The following ATP9A variants were observed in gnomAD, a reference collection of about 807,000 sequenced individuals.
The protein encoded by ATP9A is ATPase phospholipid transporting 9A.
In ATP9A, 52 loss-of-function variants were observed where a neutral mutation model predicts 144.1. That is an observed-to-expected ratio of 0.36 (90% CI 0.29 to 0.45). The LOEUF (loss-of-function observed/expected upper bound fraction) is 0.45, where lower values mean the gene tolerates loss of function less well. Ranked by LOEUF, ATP9A falls within the 20% of genes least tolerant of loss-of-function variation. The probability of loss-of-function intolerance (pLI) is 1.00; values close to 1 mark genes in which losing one functional copy is unlikely to be tolerated. For synonymous variants in ATP9A, 582 were observed against 557.4 expected (o/e 1.04, Z -0.62); for missense variants, 947 against 1,392.7 (o/e 0.68, Z 5.09).
At chr20:51,642,303 T>A (rs1030994784) in intron 14 of ATP9A, among the ~76,000 whole-genome samples, 4 of 151,990 alleles carry the variant, frequency 2.6e-5, no homozygotes, top group South Asian at 4.1e-4. Context: ...TACAGGCACC[T>A]GCCATCACAT....
chr20:51,630,597 G>C (rs918725234), intron 15 of ATP9A, among the ~76,000 whole-genome samples: 1 of 152,078 alleles, frequency 6.6e-6, no homozygotes, highest in Admixed American at 6.6e-5. Flanking sequence ...AGCTACTCAG[G>C]AGGCAAGGCT....
At chr20:51,751,678 C>T (rs1332093346) in intron 1 of ATP9A, among the ~76,000 whole-genome samples, 2 of 152,106 alleles carry the variant, frequency 1.3e-5, no homozygotes, top group African/African-American at 4.8e-5. Context: ...AGCTCCGCCT[C>T]CCGGGTTCAC....
At position 51,604,900 on chromosome 20, in the gene ATP9A, G is replaced by A; in HGVS notation, c.2924C>T (p.Thr975Ile). Residue 975 changes from threonine (T) to isoleucine (I), a missense_variant, in exon 27 of 28, where the codon ACC (threonine) becomes ATC (isoleucine). This residue lies in a region of ATP9A where 177 missense variants were observed against 344.9 expected (regional missense o/e 0.51). Transcript: ENST00000338821. The stretch of plus-strand genomic sequence containing the variant: ...CGCCACTGTCATGAGCCAGTGCCAG[G>A]TCTGGATGGTCAGCGCCACCATGAG... ...ELLMVALTIQ[T>I]WHWLMTVAEL... 6.2e-7 allele frequency: 1 copy of A among 1,611,142 alleles called. No homozygotes were observed. The highest frequency in any genetic ancestry group is 8.5e-7 in the Non-Finnish European group (1 of 1,178,534).
chr20:51,768,192 A>G, intron 1 of ATP9A, 110 bp downstream of exon 1: 3 of 587,590 alleles, frequency 5.1e-6, no homozygotes, highest in Non-Finnish European at 6.9e-6. Flanking sequence ...CCCCAGGCTC[A>G]TGGCGCCGGG....
At chr20:51,717,594 C>T (rs145070650) in intron 3 of ATP9A, among the ~76,000 whole-genome samples, 244 of 152,088 alleles carry the variant, frequency 1.6e-3, no homozygotes, top group South Asian at 3.1e-3. Flanking sequence ...AAAGGGAAAA[C>T]AGGCCAGTCA....
chr20:51,767,149 T>C lies in ATP9A; in HGVS notation c.68+1153A>G, dbSNP rs553695482. Among the ~76,000 whole-genome samples, 5 of 150,660 alleles carry C rather than the reference T, an allele frequency of 3.3e-5. No homozygotes were observed. In the South Asian group the frequency reaches 8.4e-4, roughly 25 times the overall value. On this transcript the variant is annotated intron_variant, in intron 1 of 27. Coordinates refer to ENST00000338821, the MANE Select transcript of ATP9A (RefSeq NM_006045.3). ...GGTTCACTCCACCCGCCGCGTCTCCTGTTCCGAGCAACTGACGCTGCAATA... is the reference window on the plus strand; with the variant it reads ...GGTTCACTCCACCCGCCGCGTCTCCCGTTCCGAGCAACTGACGCTGCAATA...
intron 24 of ATP9A, 35 bp downstream of exon 24, chr20:51,610,066 T>G: frequency 6.5e-7 from 1 of 1,540,664 alleles, no homozygotes; most frequent in Non-Finnish European, 9.0e-7. Flanking sequence ...AAGAAGGTTT[T>G]GTAAACAATT....
chr20:51,703,567 T>C (rs972375898), intron 4 of ATP9A, among the ~76,000 whole-genome samples: 1 of 152,220 alleles, frequency 6.6e-6, no homozygotes, highest in Non-Finnish European at 1.5e-5. Context: ...TGTTTATTTC[T>C]GTAGCGATGG....
intron 11 of ATP9A, among the ~76,000 whole-genome samples, chr20:51,673,601 T>C (rs1406246733): frequency 3.3e-5 from 5 of 152,216 alleles, no homozygotes; most frequent in Middle Eastern, 3.4e-3. Flanking sequence ...GAGCTCTAAA[T>C]GGCATCCCTA....
At chr20:51,653,116 A>C (rs1045424065) in intron 14 of ATP9A, among the ~76,000 whole-genome samples, 1 of 130,124 alleles carries the variant, frequency 7.7e-6, no homozygotes, top group Non-Finnish European at 1.7e-5. Context: ...TCTCAAAAAA[A>C]AAAACAACCA....
At chr20:51,658,694 A>G (rs990169605) in intron 13 of ATP9A, among the ~76,000 whole-genome samples, 1 of 151,016 alleles carries the variant, frequency 6.6e-6, no homozygotes, top group African/African-American at 2.4e-5. Context: ...TAATTCTTGT[A>G]TTTTTAGTAG....
chr20:51,651,368 A>C (rs1463508917), intron 14 of ATP9A, among the ~76,000 whole-genome samples: 2 of 142,528 alleles, frequency 1.4e-5, no homozygotes, highest in African/African-American at 5.1e-5. Flanking sequence ...TACATTATAT[A>C]TATTTCTTTA....
intron 4 of ATP9A, among the ~76,000 whole-genome samples, chr20:51,708,488 C>A (rs779227536): frequency 4.0e-5 from 6 of 151,170 alleles, no homozygotes; most frequent in East Asian, 1.9e-4. Context: ...TAATCCCAGA[C>A]CTTTGGGAGG....
In ATP9A at chr20:51,622,220, G is replaced by T. The variant is rs776172103; in HGVS notation, c.2017-48C>A. ...GTCCTGTTTATTAGTTTTTGAGGCC[G>T]GCCTGTCATCTGCAACAGCTGAGTT... is the stretch of plus-strand genomic sequence containing the variant. On this transcript the variant is annotated intron_variant, in intron 18 of 27. Transcript: ENST00000338821. The T allele has an allele frequency of 4.0e-6, 6 of 1,513,852 alleles. No homozygotes were observed. In the African/African-American group the frequency reaches 8.2e-5, roughly 21 times the overall value. 93.8% of individuals were successfully genotyped at this position (1,513,852 alleles called of 1,614,324 possible).
In ATP9A at chr20:51,729,993, C is replaced by A. The variant is rs755913254; in HGVS notation, c.69-15G>T. 1.3e-6 allele frequency: 2 copies of A among 1,518,958 alleles called. No homozygotes were observed. Among genetic ancestry groups the A allele is most frequent in the African/African-American group, 1.4e-5 (1 of 70,998 alleles). 94.1% of individuals were successfully genotyped at this position (1,518,958 alleles called of 1,614,324 possible). On this transcript the variant is annotated splice_polypyrimidine_tract_variant and intron_variant, in intron 1 of 27. Transcript: ENST00000338821. Reference sequence around the variant, plus strand: ...ACTCGCAGCACCTGTGGGAAAGAAACCCACGCATCAAGGCCACGCCCACGC... The same window carrying A: ...ACTCGCAGCACCTGTGGGAAAGAAAACCACGCATCAAGGCCACGCCCACGC...
intron 3 of ATP9A, among the ~76,000 whole-genome samples, chr20:51,717,120 T>C (rs2077665399): frequency 1.4e-5 from 2 of 141,878 alleles, no homozygotes; most frequent in Non-Finnish European, 3.0e-5. Flanking sequence ...TACAGTGAGC[T>C]GAGATCTCAC....
chr20:51,722,735 A>AG (rs544511013), intron 3 of ATP9A, among the ~76,000 whole-genome samples: 58 of 152,320 alleles, frequency 3.8e-4, no homozygotes, highest in African/African-American at 1.3e-3. Flanking sequence ...ACACTTCTAC[A>AG]CTGCTGGTGG....
intron 1 of ATP9A, among the ~76,000 whole-genome samples, chr20:51,743,162 C>G (rs2077792193): frequency 6.6e-6 from 1 of 152,162 alleles, no homozygotes; most frequent in African/African-American, 2.4e-5. Flanking sequence ...CCTGGGGAAG[C>G]TGCAGCCACA....
At chr20:51,711,444 C>T (rs892116987) in intron 4 of ATP9A, among the ~76,000 whole-genome samples, 2 of 152,166 alleles carry the variant, frequency 1.3e-5, no homozygotes, top group Non-Finnish European at 2.9e-5. Flanking sequence ...AACAGCAGTT[C>T]AGACCTTGGC....
Sources: allele counts gnomAD v4.1 joint callset (sites outside exome capture counted in the v4.1 genomes callset), GRCh38; gene constraint gnomAD v4.1.1; regional missense constraint gnomAD v4.1.1; transcripts MANE v1.5; gene names NCBI Gene and HGNC (gene_info 2026-07-23, HGNC 2026-07-21).